Variants in PCDHA4 observed in about 807,000 individuals in gnomAD.
The protein encoded by PCDHA4 is protocadherin alpha 4.
In PCDHA4, 49 loss-of-function variants were observed where a neutral mutation model predicts 61.4. The ratio of observed to expected loss-of-function variants is 0.80; its 90% confidence interval spans 0.63 to 1.01. The LOEUF is 1.01. PCDHA4 is among the 50% of genes least tolerant of loss of function. PCDHA4 has a pLI of 0.00. For synonymous variants in PCDHA4, 590 were observed against 550.3 expected (o/e 1.07, Z -1.01); for missense variants, 1,254 against 1,235.8 (o/e 1.01, Z -0.22).
chr5:140,972,733 G>A (rs1037610917), intron 1 of PCDHA4, among the ~76,000 whole-genome samples: 7 of 147,652 alleles, frequency 4.7e-5, no homozygotes, highest in Non-Finnish European at 7.4e-5. Context: ...GCGTAATCCC[G>A]GCTCACTGCA....
intron 1 of PCDHA4, chr5:140,867,464 C>A (rs1358869562): frequency 6.6e-6 from 1 of 151,874 alleles, no homozygotes; most frequent in Non-Finnish European, 1.5e-5. Context: ...AGTGTTATGA[C>A]AACATTGGGA....
chr5:140,836,655 G>T (rs1774657436), intron 1 of PCDHA4: 1 of 1,613,354 alleles, frequency 6.2e-7, no homozygotes, highest in African/African-American at 1.3e-5. Context: ...GCGGCAGAGG[G>T]TGTGCTCTGG....
chr5:140,935,379 C>T (rs2090338823), intron 1 of PCDHA4, among the ~76,000 whole-genome samples: 1 of 152,196 alleles, frequency 6.6e-6, no homozygotes, highest in African/African-American at 2.4e-5. Context: ...CAGAATTACT[C>T]ATTTGTTATC....
chr5:140,859,882 T>C (rs2046069596), intron 1 of PCDHA4: 1 of 152,016 alleles, frequency 6.6e-6, no homozygotes, highest in Admixed American at 6.6e-5. Context: ...CTCTGATATT[T>C]TGAAAAAAAA....
intron 1 of PCDHA4, among the ~76,000 whole-genome samples, chr5:140,913,986 G>A (rs1326699020): frequency 1.3e-5 from 2 of 152,048 alleles, no homozygotes; most frequent in African/African-American, 4.8e-5. Context: ...GACTTGTATT[G>A]TGACTAGCAT....
At chr5:140,871,151 C>A in intron 1 of PCDHA4, 1 of 1,613,328 alleles carries the variant, frequency 6.2e-7, no homozygotes, top group Non-Finnish European at 8.5e-7. Flanking sequence ...CGGACTTTGG[C>A]GGGCGCCGCG....
intron 1 of PCDHA4, chr5:140,830,060 C>A: frequency 6.2e-7 from 1 of 1,613,712 alleles, no homozygotes; most frequent in Non-Finnish European, 8.5e-7. Context: ...CCACGGTGAG[C>A]CGGCGCTGAC....
At chr5:140,861,662 G>A (rs1396410741) in intron 1 of PCDHA4, 1 of 264,436 alleles carries the variant, frequency 3.8e-6, no homozygotes, top group East Asian at 9.8e-5. Flanking sequence ...TGAAACGAGA[G>A]CTCTTGATTA....
At chr5:140,876,456 T>C (rs2056356318) in intron 1 of PCDHA4, 11 of 1,613,932 alleles carry the variant, frequency 6.8e-6, no homozygotes, top group Non-Finnish European at 8.5e-6. Context: ...AAGGGATTCC[T>C]TCCATGGCAG....
chr5:140,824,128 G>T (rs2150132409), intron 1 of PCDHA4: 3 of 1,612,826 alleles, frequency 1.9e-6, no homozygotes, highest in Non-Finnish European at 2.5e-6. Context: ...TACAGACAAC[G>T]TGAGTTTTCT....
At position 140,915,045 on chromosome 5, in the gene PCDHA4, A is replaced by G. The variant is rs989835419; in HGVS notation, c.2386-63904A>G. 2.0e-5 allele frequency among the ~76,000 whole-genome samples: 3 copies of G among 151,216 alleles called. No homozygotes were observed. In the East Asian group the frequency reaches 5.8e-4, roughly 29 times the overall value. On this transcript the variant is annotated intron_variant, in intron 1 of 3. Transcript: ENST00000530339. ...ACTGCAACTTCTGCCTCCTGGGTTC[A>G]AGCGATTCTCCTGCCTTAGCCTACT...
chr5:140,807,275 C>CA lies in PCDHA4; in HGVS notation c.89dup (p.Leu31AlafsTer97). On this transcript the variant is annotated frameshift_variant, in exon 1 of 4. Coordinates refer to ENST00000530339, the MANE Select transcript of PCDHA4 (RefSeq NM_018907.4). LOFTEE classifies it high-confidence loss of function. ...CGCAGCCTGGGAGGCAGGGAACGGTCAGCTCCACTACTCGGTCTCCGAGGA... is the reference window on the plus strand; with the variant it reads ...CGCAGCCTGGGAGGCAGGGAACGGTCAAGCTCCACTACTCGGTCTCCGAGGA... 1 of 1,614,232 alleles carries CA rather than the reference C, an allele frequency of 6.2e-7. No individual in the cohort carries two copies. The highest frequency in any genetic ancestry group is 8.5e-7 in the Non-Finnish European group (1 of 1,180,042).
intron 1 of PCDHA4, among the ~76,000 whole-genome samples, chr5:140,890,513 C>T (rs1376774987): frequency 2.0e-5 from 3 of 151,948 alleles, no homozygotes; most frequent in Non-Finnish European, 4.4e-5. Flanking sequence ...GTCTCTATTT[C>T]CTTCCTTTGT....
rs1246867400 is a variant in PCDHA4, at chr5:140,885,558, AATTG to A, written c.2385+75991_2385+75994del. Among the ~76,000 whole-genome samples, 8 of 152,258 alleles carry A rather than the reference AATTG, an allele frequency of 5.3e-5. No individual in the cohort carries two copies. The South Asian group carries it at 1.0e-3, about 20-fold the overall frequency. On this transcript the variant is annotated intron_variant, in intron 1 of 3. Coordinates refer to ENST00000530339, the MANE Select transcript of PCDHA4 (RefSeq NM_018907.4). Reference sequence around the variant, plus strand: ...CAAAATATTGGTGTTATTTCTACGAAATTGATTGTCAGATGTGGAATTGATGCAT... The same window carrying A: ...CAAAATATTGGTGTTATTTCTACGAAATTGTCAGATGTGGAATTGATGCAT...
At chr5:140,845,629 A>G (rs1437329229) in intron 1 of PCDHA4, among the ~76,000 whole-genome samples, 1 of 149,600 alleles carries the variant, frequency 6.7e-6, no homozygotes, top group East Asian at 1.9e-4. Flanking sequence ...GAAGCTCTCT[A>G]AATCAAGTCC....
intron 1 of PCDHA4, chr5:140,850,511 CG>C (rs1562470746): frequency 6.3e-7 from 1 of 1,598,154 alleles, no homozygotes; most frequent in Non-Finnish European, 8.6e-7. Flanking sequence ...TGGTGGAGAG[CG>C]GCCAGGCGCC....
At chr5:140,956,454 A>G (rs1276644004) in intron 1 of PCDHA4, among the ~76,000 whole-genome samples, 1 of 152,212 alleles carries the variant, frequency 6.6e-6, no homozygotes, top group African/African-American at 2.4e-5. Flanking sequence ...AATTACATTT[A>G]TTGATTTGCA....
intron 1 of PCDHA4, chr5:140,877,875 C>A: frequency 6.8e-7 from 1 of 1,475,090 alleles, no homozygotes; most frequent in Non-Finnish European, 9.0e-7. Context: ...TATTTGTTTC[C>A]TTGAAGAACT....
intron 1 of PCDHA4, among the ~76,000 whole-genome samples, chr5:140,871,971 G>A (rs2053418279): frequency 6.6e-6 from 1 of 152,204 alleles, no homozygotes; most frequent in South Asian, 2.1e-4. Context: ...GTCTTCCTAT[G>A]ATGTCCAGGT....
Sources: allele counts gnomAD v4.1 joint callset (sites outside exome capture counted in the v4.1 genomes callset), GRCh38; gene constraint gnomAD v4.1.1; transcripts MANE v1.5; gene names NCBI Gene and HGNC (gene_info 2026-07-23, HGNC 2026-07-21).